DPYD: variants seen among roughly 807,000 people sequenced by gnomAD.
DPYD encodes dihydropyrimidine dehydrogenase, also known as dihydropyrimidine dehydrogenase [NADP(+)].
Under a neutral mutation model 116.2 loss-of-function variants are expected in DPYD, and 109 were observed. The ratio of observed to expected loss-of-function variants is 0.94; its 90% confidence interval spans 0.80 to 1.10. The LOEUF is 1.10. Among genes scored for constraint, DPYD ranks in the 50% least tolerant of loss-of-function variants. DPYD has a pLI of 0.00. For synonymous variants in DPYD, 440 were observed against 432.0 expected, an observed-to-expected ratio of 1.02 and a Z score of -0.23; for missense variants, 1,302 against 1,254.5, an observed-to-expected ratio of 1.04 and a Z score of -0.57.
intron 18 of DPYD, among the ~76,000 whole-genome samples, chr1:97,255,917 C>T (rs962699826): frequency 6.6e-6 from 1 of 151,960 alleles, no homozygotes; most frequent in Non-Finnish European, 1.5e-5. Context: ...AAGTCAAGTT[C>T]ATCATTTCAT....
At chr1:97,698,781 T>G (rs1437740635) in intron 6 of DPYD, among the ~76,000 whole-genome samples, 1 of 151,948 alleles carries the variant, frequency 6.6e-6, no homozygotes, top group Non-Finnish European at 1.5e-5. Context: ...TATAGAGTTC[T>G]GTTTATTTTC....
intron 2 of DPYD, among the ~76,000 whole-genome samples, chr1:97,847,267 T>C (rs571159739): frequency 4.0e-4 from 61 of 152,236 alleles, no homozygotes; most frequent in African/African-American, 1.3e-3. Flanking sequence ...AAATAATTAC[T>C]CAAACAAAAA....
intron 12 of DPYD, among the ~76,000 whole-genome samples, chr1:97,518,649 C>A (rs184081216): frequency 0.012 from 1,876 of 152,186 alleles, 22 homozygotes; most frequent in Middle Eastern, 0.024. Flanking sequence ...TCCCTCCTAA[C>A]AAATATGTTA....
At chr1:97,777,446 A>G (rs764974650) in intron 3 of DPYD, among the ~76,000 whole-genome samples, 17 of 152,196 alleles carry the variant, frequency 1.1e-4, no homozygotes, top group Non-Finnish European at 2.4e-4. Context: ...AATTCATAAC[A>G]CAAAATATTC....
intron 10 of DPYD, among the ~76,000 whole-genome samples, chr1:97,584,692 C>G (rs890256924): frequency 6.7e-6 from 1 of 150,152 alleles, no homozygotes; most frequent in Non-Finnish European, 1.5e-5. Flanking sequence ...AGCAAACTAC[C>G]GCAACGACAA....
chr1:97,415,962 T>G (rs1309053607), intron 14 of DPYD, among the ~76,000 whole-genome samples: 2 of 152,226 alleles, frequency 1.3e-5, no homozygotes, highest in African/African-American at 4.8e-5. Context: ...ATATAATGTC[T>G]TATACATTTA....
At chr1:97,852,661 T>G (rs1384177233) in intron 2 of DPYD, among the ~76,000 whole-genome samples, 1 of 152,196 alleles carries the variant, frequency 6.6e-6, no homozygotes, top group Non-Finnish European at 1.5e-5. Context: ...CAAATTCAAC[T>G]GATCTGATGC....
intron 2 of DPYD, among the ~76,000 whole-genome samples, chr1:97,840,735 G>T (rs1558001366): frequency 6.6e-6 from 1 of 151,960 alleles, no homozygotes; most frequent in Non-Finnish European, 1.5e-5. Flanking sequence ...CTGCATCTAG[G>T]CCTGGCCACT....
At chr1:97,397,307 T>C (rs1005169859) in intron 14 of DPYD, among the ~76,000 whole-genome samples, 3 of 152,030 alleles carry the variant, frequency 2.0e-5, no homozygotes, top group Admixed American at 1.3e-4. Context: ...CTGTCACATA[T>C]GTATGACAGA....
rs182807909 is a variant in DPYD, at chr1:97,098,409, G to C, written c.2766+80C>G. 7.7e-5 allele frequency: 116 copies of C among 1,504,324 alleles called. 1 individual carries two copies. In the East Asian group the frequency reaches 2.0e-3, roughly 26 times the overall value. 93.2% of individuals were successfully genotyped at this position (1,504,324 alleles called of 1,614,324 possible). ...AAAACCAAATTAGTGATACATTTAA[G>C]CAGTAAATAAACATTTTAACTATAT... On this transcript the variant is annotated intron_variant, in intron 21 of 22. Transcript: ENST00000370192.
intron 2 of DPYD, among the ~76,000 whole-genome samples, chr1:97,874,490 T>C (rs1671809025): frequency 6.6e-6 from 1 of 151,900 alleles, no homozygotes; most frequent in Non-Finnish European, 1.5e-5. Context: ...AATTGATCTC[T>C]CTATACAAAT....
At chr1:97,726,149 A>G (rs1024869421) in intron 4 of DPYD, among the ~76,000 whole-genome samples, 2 of 151,552 alleles carry the variant, frequency 1.3e-5, no homozygotes, top group Non-Finnish European at 3.0e-5. Context: ...TTTCTTCTGA[A>G]TAGAAATTGC....
intron 13 of DPYD, among the ~76,000 whole-genome samples, chr1:97,483,237 G>A (rs1280426242): frequency 6.6e-6 from 1 of 152,130 alleles, no homozygotes; most frequent in Admixed American, 6.6e-5. Flanking sequence ...AATTTCCTTT[G>A]CAGTCCTATC....
At chr1:97,108,965 T>G (rs1651379996) in intron 20 of DPYD, among the ~76,000 whole-genome samples, 1 of 152,138 alleles carries the variant, frequency 6.6e-6, no homozygotes, top group East Asian at 1.9e-4. Context: ...AACCTTCTAC[T>G]AAAGCAATGC....
At chr1:97,386,053 T>C (rs74105189) in intron 14 of DPYD, among the ~76,000 whole-genome samples, 16,001 of 152,052 alleles carry the variant, frequency 0.11, 1,097 homozygotes, top group South Asian at 0.26. Flanking sequence ...GGGCAGCCTC[T>C]GACTGGGGAG....
chr1:97,657,603 A>G (rs1244292405), intron 8 of DPYD, among the ~76,000 whole-genome samples: 1 of 152,214 alleles, frequency 6.6e-6, no homozygotes, highest in Non-Finnish European at 1.5e-5. Context: ...TATTTTTAAT[A>G]CATTGTGTGT....
intron 8 of DPYD, among the ~76,000 whole-genome samples, chr1:97,627,145 C>A (rs1656981377): frequency 6.6e-6 from 1 of 151,982 alleles, no homozygotes; most frequent in Admixed American, 6.6e-5. Context: ...AAAGACCCCA[C>A]CTCCTAATAC....
In DPYD at chr1:97,887,469, T is replaced by TAAAAAAA. The variant is rs57316508; in HGVS notation, c.40-4102_40-4096dup. 8.7e-4 allele frequency among the ~76,000 whole-genome samples: 41 copies of TAAAAAAA among 47,140 alleles called. 1 individual carries two copies. Among genetic ancestry groups the TAAAAAAA allele is most frequent in the Non-Finnish European group, 1.3e-3 (32 of 25,560 alleles). The allele number at this position is 47,140 out of a possible 152,430, so 30.9% of individuals were successfully genotyped here. A position where few individuals can be genotyped will look rare whatever the true frequency, so the allele number is the denominator to read the frequency against. Reference sequence around the variant, plus strand: ...TGGGTGACAAAGTGAGACTCTGCATTAAAAAAAAAAAAAAAAAAAAAAAAA... The same window carrying TAAAAAAA: ...TGGGTGACAAAGTGAGACTCTGCATTAAAAAAAAAAAAAAAAAAAAAAAAAAAAAAAA... On this transcript the variant is annotated intron_variant, in intron 1 of 22. Transcript: ENST00000370192.
At chr1:97,177,805 C>T (rs772665533) in intron 20 of DPYD, among the ~76,000 whole-genome samples, 2 of 152,016 alleles carry the variant, frequency 1.3e-5, no homozygotes, top group Non-Finnish European at 2.9e-5. Context: ...TAATAAAATA[C>T]CATAAACTTG....
Sources: allele counts gnomAD v4.1 joint callset (sites outside exome capture counted in the v4.1 genomes callset), GRCh38; gene constraint gnomAD v4.1.1; transcripts MANE v1.5; gene names NCBI Gene and HGNC (gene_info 2026-07-23, HGNC 2026-07-21).